Variants in AGAP1 observed in about 807,000 individuals in gnomAD.
The protein encoded by AGAP1 is ArfGAP with GTPase domain, ankyrin repeat and PH domain 1.
AGAP1 carries 29 observed loss-of-function variants against 105.3 expected under a neutral mutation model. The observed-to-expected ratio is 0.28, with a 90% CI of 0.21 to 0.38. The LOEUF is 0.38. AGAP1 is among the 10% of genes least tolerant of loss of function. AGAP1 has a pLI of 1.00. For synonymous variants in AGAP1, 509 were observed against 485.9 expected (o/e 1.05, Z -0.63); for missense variants, 998 against 1,165.1 (o/e 0.86, Z 2.09).
intron 1 of AGAP1, among the ~76,000 whole-genome samples, chr2:235,674,260 G>A (rs1948601874): frequency 6.6e-6 from 1 of 152,242 alleles, no homozygotes; most frequent in Non-Finnish European, 1.5e-5. Flanking sequence ...GAAAGACCCT[G>A]TGTCAGATCA....
At chr2:235,533,799 A>AC (rs1415645777) in intron 1 of AGAP1, among the ~76,000 whole-genome samples, 3 of 152,046 alleles carry the variant, frequency 2.0e-5, no homozygotes, top group African/African-American at 7.2e-5. Context: ...CAGGAGCTGG[A>AC]CCCCTCCCCG....
chr2:235,776,312 A>G (rs555785056), intron 6 of AGAP1, among the ~76,000 whole-genome samples: 1 of 152,128 alleles, frequency 6.6e-6, no homozygotes, highest in Non-Finnish European at 1.5e-5. Flanking sequence ...CCCCCTACCT[A>G]CTGCCCATTC....
rs1948099950 is a variant in AGAP1, at chr2:235,665,569, A to T, written c.164-43610A>T. On this transcript the variant is annotated intron_variant, in intron 1 of 17. Transcript: ENST00000304032. The surrounding 1 kb of genome is among the most constrained non-coding windows in gnomAD (Gnocchi z 5.3). Reference sequence around the variant, plus strand: ...AGCTTAGAAACCATTCTACCATGACATTCTCAGATGAGAATTTGAGTCTTA... The same window carrying T: ...AGCTTAGAAACCATTCTACCATGACTTTCTCAGATGAGAATTTGAGTCTTA... 6.6e-6 allele frequency among the ~76,000 whole-genome samples: 1 copy of T among 152,248 alleles called. No individual in the cohort carries two copies. The highest frequency in any genetic ancestry group is 2.4e-5 in the African/African-American group (1 of 41,466).
chr2:235,697,368 G>T (rs948142088), intron 1 of AGAP1, among the ~76,000 whole-genome samples: 1 of 152,184 alleles, frequency 6.6e-6, no homozygotes, highest in East Asian at 1.9e-4. Flanking sequence ...CATGTTGTTC[G>T]TCTTCATGTG....
intron 6 of AGAP1, chr2:235,774,312 G>A (rs1160863411): frequency 2.1e-6 from 1 of 469,690 alleles, no homozygotes; most frequent in African/African-American, 2.0e-5. Context: ...CCTGTCGCCA[G>A]CCCAGGGCTG....
intron 6 of AGAP1, among the ~76,000 whole-genome samples, chr2:235,756,289 A>G (rs914114227): frequency 6.6e-6 from 1 of 152,098 alleles, no homozygotes; most frequent in African/African-American, 2.4e-5. Flanking sequence ...GGGAGACAGG[A>G]TCAGGGTTTT....
chr2:235,814,903 G>A (rs1354645843), intron 9 of AGAP1, among the ~76,000 whole-genome samples: 2 of 152,140 alleles, frequency 1.3e-5, no homozygotes, highest in Non-Finnish European at 2.9e-5. Context: ...ATTATTTGTA[G>A]GAGCAGTGGT....
In AGAP1 at chr2:235,987,011, C is replaced by T. The variant is rs117203312; in HGVS notation, c.1645+18388C>T. Among the ~76,000 whole-genome samples, 1,274 of 152,220 alleles carry T rather than the reference C, an allele frequency of 8.4e-3. 75 individuals carry two copies. In the East Asian group the frequency reaches 0.16, roughly 19 times the overall value. On this transcript the variant is annotated intron_variant, in intron 13 of 17. Coordinates refer to ENST00000304032, the MANE Select transcript of AGAP1 (RefSeq NM_001037131.3). ...TAAAATGAGTTAGGGAGGAATGTCTCCTTTTCAATTGTTTGGAATAGTTTC... is the reference window on the plus strand; with the variant it reads ...TAAAATGAGTTAGGGAGGAATGTCTTCTTTTCAATTGTTTGGAATAGTTTC...
rs1948073424 is a variant in AGAP1 at position 235,664,727 on chromosome 2, G to A, written c.164-44452G>A. On this transcript the variant is annotated intron_variant, in intron 1 of 17. Coordinates refer to ENST00000304032, the MANE Select transcript of AGAP1 (RefSeq NM_001037131.3). The surrounding 1 kb of genome is among the most constrained non-coding windows in gnomAD (Gnocchi z 5.7). Reference sequence around the variant, plus strand: ...CCGATGCTTCCTATGGCTGCATGGAGGAAAGGAGTCTGGGCCTGAATCTCC... The same window carrying A: ...CCGATGCTTCCTATGGCTGCATGGAAGAAAGGAGTCTGGGCCTGAATCTCC... Among the ~76,000 whole-genome samples, 1 of 152,214 alleles carries A rather than the reference G, an allele frequency of 6.6e-6. No homozygotes were observed. The highest frequency in any genetic ancestry group is 1.9e-4 in the East Asian group (1 of 5,190).
intron 1 of AGAP1, among the ~76,000 whole-genome samples, chr2:235,694,604 C>T (rs960352351): frequency 4.6e-5 from 7 of 151,674 alleles, no homozygotes; most frequent in East Asian, 1.9e-4. Context: ...GCCGAGATCG[C>T]GCCACTGCAC....
intron 6 of AGAP1, among the ~76,000 whole-genome samples, chr2:235,779,000 G>A (rs1220344843): frequency 6.6e-6 from 1 of 152,224 alleles, no homozygotes; most frequent in Non-Finnish European, 1.5e-5. Flanking sequence ...ATGTTTTACA[G>A]ATAAGGAAAC....
chr2:236,114,107 A>G lies in AGAP1; in HGVS notation c.2115-6085A>G, dbSNP rs531927482. ...TTTCTGCTGACGGCCGGCCGCGCCAATAATTCATTTTTTAGCTCATTAGCT... is the reference window on the plus strand; with the variant it reads ...TTTCTGCTGACGGCCGGCCGCGCCAGTAATTCATTTTTTAGCTCATTAGCT... On this transcript the variant is annotated intron_variant, in intron 16 of 17. Transcript: ENST00000304032. The surrounding 1 kb of genome is among the most constrained non-coding windows in gnomAD (Gnocchi z 5.0). Among the ~76,000 whole-genome samples, 11 of 152,188 alleles carry G rather than the reference A, an allele frequency of 7.2e-5. No homozygotes were observed. Among genetic ancestry groups the G allele is most frequent in the South Asian group, 6.2e-4 (3 of 4,814 alleles).
intron 1 of AGAP1, among the ~76,000 whole-genome samples, chr2:235,632,273 T>C (rs979780190): frequency 1.3e-5 from 2 of 152,220 alleles, no homozygotes; most frequent in African/African-American, 4.8e-5. Flanking sequence ...TCGCATGAAC[T>C]GCCCAGCCAG....
At chr2:235,828,017 A>G (rs1959165232) in intron 9 of AGAP1, among the ~76,000 whole-genome samples, 1 of 152,222 alleles carries the variant, frequency 6.6e-6, no homozygotes, top group African/African-American at 2.4e-5. Context: ...ACGGTGCAGT[A>G]GGGGCTGCAT....
At chr2:236,070,110 T>TGGGGGGGG (rs1014488256) in intron 16 of AGAP1, among the ~76,000 whole-genome samples, 1 of 152,256 alleles carries the variant, frequency 6.6e-6, no homozygotes, top group African/African-American at 2.4e-5. Flanking sequence ...GGAGTACCAC[T>TGGGGGGGG]GGGGTGTGAC....
rs1575699200 is a variant in AGAP1, at chr2:235,887,365, C to A, written c.1155+3916C>A. On this transcript the variant is annotated intron_variant, in intron 10 of 17. Transcript: ENST00000304032. This position sits in a 1 kb window ranked among gnomAD's most constrained non-coding sequence, Gnocchi z 4.1. ...AAGTGGGGCCTCTCCCTGGTAACAC[C>A]CTATTGTCTGAACATGGGAACCTGC... Among the ~76,000 whole-genome samples the A allele has an allele frequency of 6.6e-6, 1 of 152,212 alleles. No individual in the cohort carries two copies. Among genetic ancestry groups the A allele is most frequent in the East Asian group, 1.9e-4 (1 of 5,156 alleles).
At chr2:235,746,291 A>G (rs181175772) in intron 5 of AGAP1, among the ~76,000 whole-genome samples, 64 of 140,392 alleles carry the variant, frequency 4.6e-4, no homozygotes, top group African/African-American at 8.2e-4. Context: ...ATCTCAAGGG[A>G]AAAAAAAAAC....
Position 236,129,259 on chromosome 2 carries a change from G to T in AGAP1, c.*5137G>T, listed in dbSNP as rs914239580. ...AGCACGCTCAGGTGATAGCGAGTGG[G>T]GCCAGGAGACCCCCCTGCCCTGCCC... On this transcript the variant is annotated 3_prime_UTR_variant, in exon 18 of 18. Transcript: ENST00000304032. This position sits in a 1 kb window ranked among gnomAD's most constrained non-coding sequence, Gnocchi z 6.2. 2 of 152,386 alleles carry T rather than the reference G, an allele frequency of 1.3e-5. No individual in the cohort carries two copies. The highest frequency in any genetic ancestry group is 2.4e-5 in the African/African-American group (1 of 41,470). 9.4% of individuals were successfully genotyped at this position (152,386 alleles called of 1,614,324 possible).
chr2:236,115,158 C>T (rs2059741335), intron 16 of AGAP1, among the ~76,000 whole-genome samples: 1 of 152,212 alleles, frequency 6.6e-6, no homozygotes, highest in Non-Finnish European at 1.5e-5. Flanking sequence ...CCACACGTGC[C>T]GCTTCCACGG....
Sources: allele counts gnomAD v4.1 joint callset (sites outside exome capture counted in the v4.1 genomes callset), GRCh38; gene constraint gnomAD v4.1.1; non-coding constraint Gnocchi (gnomAD v3.1); transcripts MANE v1.5; gene names NCBI Gene and HGNC (gene_info 2026-07-23, HGNC 2026-07-21).